GPC5: variants seen among roughly 807,000 people sequenced by gnomAD.
GPC5 encodes glypican 5, also known as glypican-5.
A neutral mutation model predicts 53.9 loss-of-function variants in GPC5; 47 were observed. The ratio of observed to expected loss-of-function variants is 0.87; its 90% CI spans 0.69 to 1.11. The LOEUF (loss-of-function observed/expected upper bound fraction) is 1.11, where lower values mean the gene tolerates loss of function less well. GPC5 is among the 50% of genes most tolerant of loss of function. The pLI is 0.00. For missense variants in GPC5, 748 were observed against 713.1 expected (o/e 1.05, Z -0.56); for synonymous variants, 286 against 263.3 (o/e 1.09, Z -0.84).
chr13:92,000,526 G>GT (rs971384724), intron 6 of GPC5, among the ~76,000 whole-genome samples: 4 of 152,058 alleles, frequency 2.6e-5, no homozygotes, highest in African/African-American at 7.2e-5. Flanking sequence ...GGAATTTCCA[G>GT]TTTTTTTGTT....
chr13:92,805,969 T>G (rs1207043880), intron 7 of GPC5, among the ~76,000 whole-genome samples: 1 of 152,040 alleles, frequency 6.6e-6, no homozygotes, highest in East Asian at 1.9e-4. Flanking sequence ...GCCTGTCCTT[T>G]GAAACTTTGA....
At chr13:92,484,185 C>T (rs1566610802) in intron 7 of GPC5, among the ~76,000 whole-genome samples, 1 of 152,046 alleles carries the variant, frequency 6.6e-6, no homozygotes. Flanking sequence ...TCAAGATCAT[C>T]AGTATCACTG....
chr13:92,741,246 A>T (rs1388320501), intron 7 of GPC5, among the ~76,000 whole-genome samples: 1 of 151,508 alleles, frequency 6.6e-6, no homozygotes, highest in Non-Finnish European at 1.5e-5. Flanking sequence ...AGAAAACCAA[A>T]ATGTAATTGA....
At chr13:91,634,789 A>G (rs975716485) in intron 2 of GPC5, among the ~76,000 whole-genome samples, 1 of 152,120 alleles carries the variant, frequency 6.6e-6, no homozygotes, top group Non-Finnish European at 1.5e-5. Context: ...GGAGTAGATT[A>G]CATTGTTAAA....
intron 7 of GPC5, among the ~76,000 whole-genome samples, chr13:92,305,678 C>A (rs1019989805): frequency 1.3e-5 from 2 of 152,190 alleles, no homozygotes. Context: ...ATTACTTTTT[C>A]TTTTCTTTAA....
chr13:92,557,060 A>AT (rs1449629456), intron 7 of GPC5, among the ~76,000 whole-genome samples: 4 of 150,350 alleles, frequency 2.7e-5, no homozygotes, highest in East Asian at 2.0e-4. Context: ...CTTGATATTC[A>AT]TTTTTTTTGG....
intron 7 of GPC5, among the ~76,000 whole-genome samples, chr13:92,266,884 A>AT (rs34404463): frequency 7.9e-4 from 118 of 149,090 alleles, no homozygotes; most frequent in Non-Finnish European, 1.0e-3. Flanking sequence ...GAAAAACACA[A>AT]TTTTTTTTTT....
intron 6 of GPC5, among the ~76,000 whole-genome samples, chr13:92,020,281 A>G (rs891208553): frequency 1.3e-5 from 2 of 152,102 alleles, no homozygotes; most frequent in Non-Finnish European, 1.5e-5. Context: ...TGCAACTTTT[A>G]TCCTTAATCT....
At chr13:92,034,579 G>A (rs2040878534) in intron 6 of GPC5, among the ~76,000 whole-genome samples, 1 of 152,148 alleles carries the variant, frequency 6.6e-6, no homozygotes. Context: ...ACTAGTGCAA[G>A]GGCAGGAGAT....
intron 7 of GPC5, among the ~76,000 whole-genome samples, chr13:92,376,741 C>T (rs554335059): frequency 7.8e-4 from 119 of 151,960 alleles, no homozygotes; most frequent in African/African-American, 2.8e-3. Flanking sequence ...CTGGGCTGGG[C>T]GCAGTGGCTC....
intron 5 of GPC5, among the ~76,000 whole-genome samples, chr13:91,818,326 T>C (rs189541211): frequency 6.6e-6 from 1 of 152,206 alleles, no homozygotes; most frequent in Admixed American, 6.5e-5. Flanking sequence ...CTGGGACAAA[T>C]ATTTCATCAG....
At chr13:91,964,535 A>C (rs1409312921) in intron 6 of GPC5, among the ~76,000 whole-genome samples, 1 of 152,140 alleles carries the variant, frequency 6.6e-6, no homozygotes, top group Non-Finnish European at 1.5e-5. Context: ...CTAAACAGAA[A>C]TGTTCTCCAA....
chr13:91,857,580 GT>G (rs1325183990), intron 5 of GPC5, among the ~76,000 whole-genome samples: 13 of 143,978 alleles, frequency 9.0e-5, no homozygotes, highest in South Asian at 8.8e-4. Flanking sequence ...TTCTATGGCT[GT>G]TTTTTTTTTC....
chr13:91,574,669 CTGAGGTGGTCATCACT>C (rs970741859), intron 2 of GPC5, among the ~76,000 whole-genome samples: 3 of 152,086 alleles, frequency 2.0e-5, no homozygotes, highest in African/African-American at 7.2e-5. Flanking sequence ...GTGCCAAGTA[CTGAGGTGGTCATCACT>C]TGATTTTATT....
At chr13:92,072,983 A>G (rs1174873685) in intron 6 of GPC5, among the ~76,000 whole-genome samples, 1 of 152,100 alleles carries the variant, frequency 6.6e-6, no homozygotes, top group Non-Finnish European at 1.5e-5. Flanking sequence ...AGGCAAAATT[A>G]TTTTATTTGG....
intron 7 of GPC5, among the ~76,000 whole-genome samples, chr13:92,596,621 A>G (rs984645489): frequency 1.3e-5 from 2 of 151,982 alleles, no homozygotes; most frequent in African/African-American, 4.8e-5. Flanking sequence ...CAACATGCGC[A>G]CGCCACCACC....
At chr13:92,424,587 T>C (rs891688323) in intron 7 of GPC5, among the ~76,000 whole-genome samples, 5 of 152,074 alleles carry the variant, frequency 3.3e-5, no homozygotes, top group Non-Finnish European at 5.9e-5. Context: ...CACACAGATA[T>C]ACTTCATTAT....
At chr13:91,763,129 T>C (rs1403899481) in intron 5 of GPC5, among the ~76,000 whole-genome samples, 1 of 152,094 alleles carries the variant, frequency 6.6e-6, no homozygotes, top group African/African-American at 2.4e-5. Context: ...AACTAAGAGA[T>C]TTAGGACTTT....
chr13:92,549,884 TACACACAC>T (rs34914341), intron 7 of GPC5, among the ~76,000 whole-genome samples: 17 of 140,886 alleles, frequency 1.2e-4, no homozygotes, highest in South Asian at 2.4e-4. Context: ...AACACACACA[TACACACAC>T]ACACACACAC....
Sources: allele counts gnomAD v4.1 joint callset (sites outside exome capture counted in the v4.1 genomes callset), GRCh38; gene constraint gnomAD v4.1.1; transcripts MANE v1.5; gene names NCBI Gene and HGNC (gene_info 2026-07-23, HGNC 2026-07-21).